Variants in PTP4A2 observed in about 807,000 individuals in gnomAD.
PTP4A2 encodes the protein protein tyrosine phosphatase type IVA 2.
PTP4A2 carries 2 observed loss-of-function variants against 22.9 expected under a neutral mutation model. The ratio of observed to expected loss-of-function variants is 0.09; its 90% confidence interval spans 0.04 to 0.27. The LOEUF (loss-of-function observed/expected upper bound fraction) is 0.27, where lower values mean the gene tolerates loss of function less well. Among genes scored for constraint, PTP4A2 ranks in the 10% least tolerant of loss-of-function variants. The pLI is 1.00. For synonymous variants in PTP4A2, 68 were observed against 69.1 expected (o/e 0.98, Z 0.08); for missense variants, 103 against 205.1 (o/e 0.50, Z 3.04).
chr1:31,909,039 A>G, intron 5 of PTP4A2, 79 bp from the exon 6 acceptor site: 2 of 1,023,778 alleles, frequency 2.0e-6, no homozygotes, highest in East Asian at 4.8e-5. Flanking sequence ...TTTACATCCT[A>G]AAGCCTTTCT....
chr1:31,915,170 T>C (rs980292045), intron 3 of PTP4A2, among the ~76,000 whole-genome samples: 1 of 152,260 alleles, frequency 6.6e-6, no homozygotes, highest in Non-Finnish European at 1.5e-5. Context: ...CAAATTTACA[T>C]GTTGTTAAAA....
chr1:31,925,323 G>A (rs1045766316), intron 1 of PTP4A2, among the ~76,000 whole-genome samples: 7 of 152,158 alleles, frequency 4.6e-5, no homozygotes, highest in African/African-American at 1.7e-4. Context: ...ATTAGAAAGA[G>A]GCTCCAGAGG....
At chr1:31,932,793 A>G (rs1218200026) in intron 1 of PTP4A2, 1 of 152,022 alleles carries the variant, frequency 6.6e-6, no homozygotes, top group East Asian at 1.9e-4. Flanking sequence ...GACCTCTACC[A>G]CTCCAAAGAG....
intron 1 of PTP4A2, among the ~76,000 whole-genome samples, chr1:31,922,874 G>A (rs190166848): frequency 1.2e-3 from 184 of 151,484 alleles, no homozygotes; most frequent in African/African-American, 1.7e-3. Flanking sequence ...CTCCTGCCTC[G>A]GCCTCCCAAA....
intron 1 of PTP4A2, among the ~76,000 whole-genome samples, chr1:31,925,678 T>C (rs1569629881): frequency 6.6e-6 from 1 of 151,198 alleles, no homozygotes; most frequent in Admixed American, 6.6e-5. Flanking sequence ...GAGAATGGCG[T>C]GAACCCGGGA....
intron 1 of PTP4A2, among the ~76,000 whole-genome samples, chr1:31,929,309 T>C (rs1006452902): frequency 6.6e-6 from 1 of 152,202 alleles, no homozygotes; most frequent in Admixed American, 6.5e-5. Context: ...GTAATAACAT[T>C]AAAAAATCCT....
intron 1 of PTP4A2, among the ~76,000 whole-genome samples, chr1:31,935,051 A>C (rs1211024233): frequency 6.6e-6 from 1 of 152,256 alleles, no homozygotes; most frequent in East Asian, 1.9e-4. Context: ...TATAATTAAC[A>C]AAGTGCTTTC....
Position 31,938,269 on chromosome 1 carries a change from C to A in PTP4A2, c.-876G>T, listed in dbSNP as rs1438981428. The stretch of plus-strand genomic sequence containing the variant: ...CGCTGCCCTGTGGCGTCACCTCGCG[C>A]CGTGCCCGGCCGCCGCTGCCGCTCC... On this transcript the variant is annotated 5_prime_UTR_variant, in exon 1 of 6. Coordinates refer to ENST00000647444, the MANE Select transcript of PTP4A2 (RefSeq NM_080391.4). This position sits in a 1 kb window ranked among gnomAD's most constrained non-coding sequence, Gnocchi z 4.4. 14 of 150,170 alleles carry A rather than the reference C, an allele frequency of 9.3e-5. 1 individual carries two copies. Among genetic ancestry groups the A allele is most frequent in the Middle Eastern group, 6.7e-3 (2 of 300 alleles). The allele number at this position is 150,170 out of a possible 1,614,324, so 9.3% of individuals were successfully genotyped here.
intron 1 of PTP4A2, among the ~76,000 whole-genome samples, chr1:31,926,473 A>G (rs1268371836): frequency 6.6e-6 from 1 of 152,178 alleles, no homozygotes; most frequent in Non-Finnish European, 1.5e-5. Context: ...GTCAACATGA[A>G]AGCCTAATAA....
At chr1:31,914,158 T>C (rs2124160941) in intron 3 of PTP4A2, 2 of 410,668 alleles carry the variant, frequency 4.9e-6, no homozygotes, top group Non-Finnish European at 4.9e-6. Flanking sequence ...CCTTGACCTC[T>C]CGGGTTCAGG....
At chr1:31,920,680 G>T (rs571363658) in intron 1 of PTP4A2, among the ~76,000 whole-genome samples, 3 of 151,622 alleles carry the variant, frequency 2.0e-5, no homozygotes, top group African/African-American at 7.3e-5. Flanking sequence ...TGGGATTACA[G>T]GTGCCCACCA....
rs142312488 is a variant in PTP4A2, at chr1:31,907,793, G to A, written c.*1059C>T. ...TTCTCTGATACTAGACAGAAAATCA[G>A]AGTAACGCTACAGCCCACAATTCTA... On this transcript the variant is annotated 3_prime_UTR_variant, in exon 6 of 6. Coordinates refer to ENST00000647444, the MANE Select transcript of PTP4A2 (RefSeq NM_080391.4). 1.5e-3 allele frequency: 230 copies of A among 152,078 alleles called. No homozygotes were observed. The highest frequency in any genetic ancestry group is 5.3e-3 in the African/African-American group (219 of 41,486). The allele number at this position is 152,078 out of a possible 1,614,324, so 9.4% of individuals were successfully genotyped here. A position where few individuals can be genotyped will look rare whatever the true frequency, so the allele number is the denominator to read the frequency against.
Position 31,910,083 on chromosome 1 carries a change from A to G in PTP4A2, c.350T>C (p.Ile117Thr). Residue 117 changes from isoleucine (I) to threonine (T), a missense_variant, in exon 5 of 6, where the codon ATT (isoleucine) becomes ACT (threonine). This residue lies in a region of PTP4A2 where 35 missense variants were observed against 64.5 expected (regional missense o/e 0.54). Transcript: ENST00000647444. ...RAPVLVALAL[I>T]ECGMKYEDAV... ...ATCTTCGTACTTCATTCCACATTCAATCAAAGCAAGTGCAACCAGCACAGG... is the reference window on the plus strand; with the variant it reads ...ATCTTCGTACTTCATTCCACATTCAGTCAAAGCAAGTGCAACCAGCACAGG... The G allele has an allele frequency of 1.2e-6, 2 of 1,613,624 alleles. No homozygotes were observed. Among genetic ancestry groups the G allele is most frequent in the African/African-American group, 1.3e-5 (1 of 75,016 alleles).
At chr1:31,928,427 C>T (rs966665787) in intron 1 of PTP4A2, among the ~76,000 whole-genome samples, 2 of 151,454 alleles carry the variant, frequency 1.3e-5, no homozygotes, top group African/African-American at 2.4e-5. Context: ...TGGCCGGGCG[C>T]GATGGCTTAC....
chr1:31,922,634 CTTT>C (rs869069128), intron 1 of PTP4A2, among the ~76,000 whole-genome samples: 10 of 97,234 alleles, frequency 1.0e-4, no homozygotes, highest in African/African-American at 4.1e-4. Context: ...TTCTTTCTTT[CTTT>C]TATTTATTTT....
intron 4 of PTP4A2, 65 bp from the exon 5 acceptor site, chr1:31,910,177 G>T: frequency 1.6e-6 from 2 of 1,244,928 alleles, no homozygotes; most frequent in Non-Finnish European, 2.3e-6. Context: ...TTAAAAACCT[G>T]TAACTGCATA....
intron 1 of PTP4A2, chr1:31,932,809 A>C (rs994251912): frequency 6.6e-6 from 1 of 151,546 alleles, no homozygotes; most frequent in Non-Finnish European, 1.5e-5. Context: ...AAGAGCAAAA[A>C]GATTTTCACA....
chr1:31,912,745 G>A (rs542991778), intron 3 of PTP4A2, among the ~76,000 whole-genome samples: 113 of 152,198 alleles, frequency 7.4e-4, no homozygotes, highest in African/African-American at 2.7e-3. Context: ...AAAACATAAG[G>A]CTATTCTAAT....
chr1:31,923,115 A>ATGTT (rs1307905273), intron 1 of PTP4A2, among the ~76,000 whole-genome samples: 1 of 151,632 alleles, frequency 6.6e-6, no homozygotes, highest in African/African-American at 2.4e-5. Flanking sequence ...GTTTCACCAA[A>ATGTT]GGCCAGGCTG....
Sources: allele counts gnomAD v4.1 joint callset (sites outside exome capture counted in the v4.1 genomes callset), GRCh38; gene constraint gnomAD v4.1.1; regional missense constraint gnomAD v4.1.1; non-coding constraint Gnocchi (gnomAD v3.1); transcripts MANE v1.5; gene names NCBI Gene and HGNC (gene_info 2026-07-23, HGNC 2026-07-21).